The following TNKS variants were observed in gnomAD, a reference collection of about 807,000 sequenced individuals.
The protein encoded by TNKS is tankyrase, also known as poly [ADP-ribose] polymerase tankyrase-1.
In TNKS, 72 loss-of-function variants were observed where a neutral mutation model predicts 135.8. The observed-to-expected ratio is 0.53, with a 90% CI of 0.44 to 0.64. The LOEUF (loss-of-function observed/expected upper bound fraction) is 0.64, where lower values mean the gene tolerates loss of function less well. Ranked by LOEUF, TNKS falls within the 30% of genes least tolerant of loss-of-function variation. The pLI, the probability that TNKS is intolerant of heterozygous loss-of-function variation, is 0.00. For synonymous variants in TNKS, 849 were observed against 649.3 expected (o/e 1.31, Z -4.68); for missense variants, 1,769 against 1,674.0 (o/e 1.06, Z -0.99).
At chr8:9,666,908 G>T (rs1230649836) in intron 3 of TNKS, among the ~76,000 whole-genome samples, 1 of 152,076 alleles carries the variant, frequency 6.6e-6, no homozygotes, top group East Asian at 1.9e-4. Flanking sequence ...GTTTTTCAGT[G>T]TATAGAGGTA....
At chr8:9,570,591 G>T (rs900345652) in intron 1 of TNKS, among the ~76,000 whole-genome samples, 1 of 152,276 alleles carries the variant, frequency 6.6e-6, no homozygotes, top group South Asian at 2.1e-4. Flanking sequence ...ACCTCTACCT[G>T]GCAACCTTTA....
At position 9,706,826 on chromosome 8, in the gene TNKS, A is replaced by C; in HGVS notation, c.1285A>C (p.Asn429His). ...ELLLKHGACV[N>H]AMDLWQFTPL... The stretch of plus-strand genomic sequence containing the variant: ...CTCAATTCAGCATGGAGCTTGTGTT[A>C]ATGCCATGGATCTCTGGCAGTTTAC... The change falls in exon 8 of 27, where the codon AAT becomes CAT. Residue 429 changes from asparagine to histidine, a missense_variant. Coordinates refer to ENST00000310430, the MANE Select transcript of TNKS (RefSeq NM_003747.3). 6.2e-7 allele frequency: 1 copy of C among 1,611,446 alleles called. No homozygotes were observed. Among genetic ancestry groups the C allele is most frequent in the Non-Finnish European group, 8.5e-7 (1 of 1,179,286 alleles).
intron 5 of TNKS, 105 bp from the exon 6 acceptor site, chr8:9,704,558 G>A: frequency 1.1e-6 from 1 of 898,074 alleles, no homozygotes; most frequent in Non-Finnish European, 1.8e-6. Context: ...TTTCAGCGCA[G>A]TATTTTTGTG....
intron 3 of TNKS, among the ~76,000 whole-genome samples, chr8:9,662,066 G>C (rs1429507762): frequency 6.6e-6 from 1 of 152,192 alleles, no homozygotes; most frequent in African/African-American, 2.4e-5. Flanking sequence ...TGTTAGAATG[G>C]CGATCATTAA....
At chr8:9,764,594 T>C in intron 22 of TNKS, 122 bp from the exon 23 acceptor site, 1 of 586,070 alleles carries the variant, frequency 1.7e-6, no homozygotes, top group East Asian at 3.5e-5. Context: ...ACTTATCCAC[T>C]AAACTTGTTC....
chr8:9,685,274 A>G (rs1802941898), intron 5 of TNKS, among the ~76,000 whole-genome samples: 1 of 152,172 alleles, frequency 6.6e-6, no homozygotes, highest in Admixed American at 6.5e-5. Context: ...CTGTAAGGTC[A>G]GAGGGATTGG....
At chr8:9,766,125 C>T in intron 24 of TNKS, 114 bp from the exon 25 acceptor site, 2 of 881,266 alleles carry the variant, frequency 2.3e-6, no homozygotes, top group Non-Finnish European at 3.3e-6. Context: ...AAATACTTTT[C>T]ATTTATACAC....
At chr8:9,639,174 A>T (rs926438483) in intron 3 of TNKS, among the ~76,000 whole-genome samples, 11 of 152,198 alleles carry the variant, frequency 7.2e-5, no homozygotes, top group Non-Finnish European at 1.2e-4. Context: ...TATGTTATTC[A>T]GAGCAAATAA....
intron 25 of TNKS, among the ~76,000 whole-genome samples, chr8:9,769,051 ATTGC>A (rs1807638040): frequency 6.6e-6 from 1 of 152,244 alleles, no homozygotes; most frequent in Non-Finnish European, 1.5e-5. Flanking sequence ...AAAAATGTTT[ATTGC>A]TTATATTAGA....
intron 19 of TNKS, among the ~76,000 whole-genome samples, chr8:9,752,290 G>A (rs186597197): frequency 9.2e-4 from 139 of 151,802 alleles, no homozygotes; most frequent in Non-Finnish European, 1.5e-3. Flanking sequence ...ATTACAATAA[G>A]TTATAATTCT....
At position 9,745,570 on chromosome 8, in the gene TNKS, A is replaced by G. The variant is rs35188360; in HGVS notation, c.2644-2454A>G. On this transcript the variant is annotated intron_variant, in intron 17 of 26. Transcript: ENST00000310430. ...CAGGTGTGTGGCGCCACACCCAGCT[A>G]ATTTTTGTGTATTTAGCAGAGATGG... 3.0e-3 allele frequency among the ~76,000 whole-genome samples: 451 copies of G among 152,040 alleles called. 5 individuals are homozygous for G. In the Middle Eastern group the frequency reaches 0.044, roughly 15 times the overall value.
At chr8:9,642,520 C>T (rs1051067416) in intron 3 of TNKS, among the ~76,000 whole-genome samples, 2 of 146,292 alleles carry the variant, frequency 1.4e-5, no homozygotes, top group African/African-American at 2.5e-5. Context: ...AGAATGATGT[C>T]ATCCTTCATA....
At chr8:9,649,878 CTTTTTTTTTT>C (rs71201959) in intron 3 of TNKS, among the ~76,000 whole-genome samples, 2 of 83,362 alleles carry the variant, frequency 2.4e-5, no homozygotes, top group African/African-American at 5.3e-5. Flanking sequence ...CTTTTCTTTT[CTTTTTTTTTT>C]TTTTTTTTTT....
chr8:9,762,712 C>G (rs1807208988), intron 21 of TNKS, among the ~76,000 whole-genome samples: 1 of 151,966 alleles, frequency 6.6e-6, no homozygotes, highest in Non-Finnish European at 1.5e-5. Flanking sequence ...ACTATCCTGG[C>G]TAACATGATG....
chr8:9,580,146 C>A lies in TNKS; in HGVS notation c.674-13C>A. On this transcript the variant is annotated splice_polypyrimidine_tract_variant and intron_variant, in intron 1 of 26. Coordinates refer to ENST00000310430, the MANE Select transcript of TNKS (RefSeq NM_003747.3). ...CAAATATATATACAAGACATTTTTT[C>A]GTTTCTTTTTAGGTTTTGGAAGGAA... is the stretch of plus-strand genomic sequence containing the variant. The A allele has an allele frequency of 1.3e-6, 2 of 1,598,394 alleles. No individual in the cohort carries two copies. Among genetic ancestry groups the A allele is most frequent in the South Asian group, 1.1e-5 (1 of 88,688 alleles).
intron 1 of TNKS, among the ~76,000 whole-genome samples, chr8:9,560,047 G>A (rs111278764): frequency 1.8e-4 from 27 of 152,218 alleles, no homozygotes; most frequent in East Asian, 1.5e-3. Flanking sequence ...TTCTACAGAT[G>A]TGGTCCTTGA....
intron 12 of TNKS, among the ~76,000 whole-genome samples, chr8:9,720,985 T>C (rs1044781010): frequency 6.6e-6 from 1 of 152,112 alleles, no homozygotes; most frequent in African/African-American, 2.4e-5. Flanking sequence ...TTTTTCTGGC[T>C]TAAATATAAT....
chr8:9,626,508 G>C (rs1800059518), intron 3 of TNKS, among the ~76,000 whole-genome samples: 1 of 152,190 alleles, frequency 6.6e-6, no homozygotes, highest in Non-Finnish European at 1.5e-5. Flanking sequence ...GTATCTATTG[G>C]TTGTCTTTTT....
Position 9,556,553 on chromosome 8 carries a change from C to T in TNKS, c.614C>T (p.Ala205Val). The change falls in exon 1 of 27, where the codon GCA becomes GTA. Residue 205 changes from alanine (A) to valine (V), a missense_variant. By Grantham distance (64) the Ala-to-Val change is moderately conservative. Coordinates refer to ENST00000310430, the MANE Select transcript of TNKS (RefSeq NM_003747.3). ...VSRVKRLVDA[A>V]NVNAKDMAGR... ...CGGGTAAAGAGGCTGGTGGACGCGG[C>T]AAACGTAAATGCAAAGGACATGGCC... 6.2e-7 allele frequency: 1 copy of T among 1,614,162 alleles called. No individual in the cohort carries two copies. The highest frequency in any genetic ancestry group is 8.5e-7 in the Non-Finnish European group (1 of 1,180,038).
Sources: gnomAD v4.1 joint callset for allele counts (sites outside exome capture counted in the v4.1 genomes callset) on GRCh38, gnomAD v4.1.1 for gene constraint, MANE v1.5 for transcripts, NCBI Gene and HGNC (gene_info 2026-07-23, HGNC 2026-07-21) for gene names.